PRH1: variants seen among roughly 807,000 people sequenced by gnomAD.
PRH1 encodes the protein proline rich protein HaeIII subfamily 1.
PRH1 carries 7 observed loss-of-function variants against 7.9 expected under a neutral mutation model. The ratio of observed to expected loss-of-function variants is 0.89; its 90% CI spans 0.50 to 1.67. PRH1 has a LOEUF of 1.67. Among genes scored for constraint, PRH1 ranks in the 40% most tolerant of loss-of-function variants. The pLI, the probability that PRH1 is intolerant of heterozygous loss-of-function variation, is 0.00. For missense variants in PRH1, 109 were observed against 223.6 expected, an observed-to-expected ratio of 0.49 and a Z score of 3.27; for synonymous variants, 45 against 80.8, an observed-to-expected ratio of 0.56 and a Z score of 2.38.
intron 1 of PRH1, among the ~76,000 whole-genome samples, chr12:11,065,643 A>C (rs1248817671): frequency 7.0e-6 from 1 of 142,722 alleles, no homozygotes; most frequent in Non-Finnish European, 1.6e-5. Flanking sequence ...ATGAACTTTT[A>C]TTCTCTTGCT....
At chr12:10,914,642 T>C (rs1197147889) in intron 2 of PRH1, among the ~76,000 whole-genome samples, 2 of 152,312 alleles carry the variant, frequency 1.3e-5, no homozygotes, top group South Asian at 4.1e-4. Flanking sequence ...TCTCCCCTCA[T>C]GGCCTTCTCC....
rs1565659676 is a variant in PRH1, at chr12:11,106,616, T to TTTATTTTTGATTAC, written n.124-59429_124-59428insGTAATCAAAAATAA. Among the ~76,000 whole-genome samples, 10 of 151,512 alleles carry TTTATTTTTGATTAC rather than the reference T, an allele frequency of 6.6e-5. No homozygotes were observed. In the South Asian group the frequency reaches 1.9e-3, roughly 29 times the overall value. ...GAATATTTGGTTTTATTTTTCTCTA[T>TTTATTTTTGATTAC]TTAATTTATTTTTGATTACTTAATG... On this transcript the variant is annotated intron_variant and non_coding_transcript_variant, in intron 1 of 4. Coordinates refer to the PRH1 transcript ENST00000541977.
intron 1 of PRH1, among the ~76,000 whole-genome samples, chr12:11,152,690 C>T (rs1453401232): frequency 6.6e-6 from 1 of 152,188 alleles, no homozygotes; most frequent in African/African-American, 2.4e-5. Flanking sequence ...TGTAACTTTG[C>T]TGTGCTCTCC....
chr12:10,927,691 C>T (rs1482895732), intron 2 of PRH1, among the ~76,000 whole-genome samples: 3 of 152,328 alleles, frequency 2.0e-5, no homozygotes, highest in African/African-American at 7.2e-5. Flanking sequence ...ACAGGATCCA[C>T]CCATGCACAT....
At chr12:11,117,160 G>A (rs1252029612), downstream of PRH1, among the ~76,000 whole-genome samples, 1 of 152,084 alleles carries the variant, frequency 6.6e-6, no homozygotes, top group African/African-American at 2.4e-5. Context: ...TCTTATATTT[G>A]TAAAACCTGA....
chr12:10,931,182 C>T, intron 2 of PRH1: 1 of 1,545,962 alleles, frequency 6.5e-7, no homozygotes. Flanking sequence ...ATTTCCGTGT[C>T]CTGGAACACA....
chr12:11,134,446 G>A, intron 1 of PRH1: 1 of 601,470 alleles, frequency 1.7e-6, no homozygotes, highest in South Asian at 2.9e-5. Flanking sequence ...CTCTCTTTAT[G>A]GAAAACATTC....
At chr12:11,002,687 C>A (rs1296011583) in intron 1 of PRH1, among the ~76,000 whole-genome samples, 1 of 152,066 alleles carries the variant, frequency 6.6e-6, no homozygotes, top group Admixed American at 6.6e-5. Flanking sequence ...TTTACTATAG[C>A]AGTCAAAGTA....
chr12:10,965,976 A>G (rs2135941154), intron 2 of PRH1, among the ~76,000 whole-genome samples: 1 of 152,302 alleles, frequency 6.6e-6, no homozygotes, highest in African/African-American at 2.4e-5. Flanking sequence ...TTTGTATGAC[A>G]TTAGTGTTAA....
chr12:11,049,969 T>C (rs568446339), upstream of PRH1, among the ~76,000 whole-genome samples: 272 of 151,628 alleles, frequency 1.8e-3, 1 homozygote, highest in South Asian at 2.5e-3. Flanking sequence ...AAATCCCCAA[T>C]TGGAAAACGA....
chr12:11,141,114 A>T lies in PRH1; in HGVS notation n.40-19934T>A, dbSNP rs1946689527. Among the ~76,000 whole-genome samples, 3 of 152,216 alleles carry T rather than the reference A, an allele frequency of 2.0e-5. No individual in the cohort carries two copies. In the South Asian group the frequency reaches 6.2e-4, roughly 32 times the overall value. Reference sequence around the variant, plus strand: ...AGGAATTATTGTCCTATAATTTCCAAAATGGAAAATTAATTTTAGGGAGAT... The same window carrying T: ...AGGAATTATTGTCCTATAATTTCCATAATGGAAAATTAATTTTAGGGAGAT... On this transcript the variant is annotated intron_variant and non_coding_transcript_variant, in intron 1 of 1. Coordinates refer to the PRH1 transcript ENST00000541175.
intron 2 of PRH1, among the ~76,000 whole-genome samples, chr12:10,949,774 C>T (rs567127858): frequency 5.9e-4 from 89 of 151,968 alleles, no homozygotes; most frequent in Middle Eastern, 3.4e-3. Flanking sequence ...TACATCTTGG[C>T]CAAAAAATAA....
At chr12:11,083,811 TA>T (rs1346281039) in intron 1 of PRH1, among the ~76,000 whole-genome samples, 1 of 152,052 alleles carries the variant, frequency 6.6e-6, no homozygotes, top group East Asian at 1.9e-4. Context: ...AAACTTTATA[TA>T]AGTGGAATTA....
chr12:11,025,262 G>T (rs922335016), intron 1 of PRH1, among the ~76,000 whole-genome samples: 1 of 151,988 alleles, frequency 6.6e-6, no homozygotes, highest in African/African-American at 2.4e-5. Context: ...AATGCTCCTT[G>T]CGTGTTCAAC....
chr12:11,002,639 A>G (rs1940648920), intron 1 of PRH1, among the ~76,000 whole-genome samples: 1 of 152,076 alleles, frequency 6.6e-6, no homozygotes, highest in African/African-American at 2.4e-5. Flanking sequence ...TCAACTGCTT[A>G]TTTACAATCT....
In PRH1 at chr12:11,010,963, C is replaced by A. The variant is rs554736376; in HGVS notation, c.-126+36057G>T. On this transcript the variant is annotated intron_variant, in intron 1 of 3. Transcript: ENST00000539853. Reference sequence around the variant, plus strand: ...ATTATACTACACATATTTCTTTAATCAATCATTATGTCAAATGAATTTGAG... The same window carrying A: ...ATTATACTACACATATTTCTTTAATAAATCATTATGTCAAATGAATTTGAG... Among the ~76,000 whole-genome samples the A allele has an allele frequency of 2.6e-4, 40 of 151,774 alleles. No homozygotes were observed. The East Asian group carries it at 4.3e-3, about 16-fold the overall frequency.
chr12:10,982,419 G>T (rs917225877), intron 1 of PRH1, among the ~76,000 whole-genome samples: 1 of 152,144 alleles, frequency 6.6e-6, no homozygotes, highest in African/African-American at 2.4e-5. Flanking sequence ...TTGCACATTC[G>T]CTCTAGGATG....
intron 1 of PRH1, among the ~76,000 whole-genome samples, chr12:11,099,868 C>G (rs1030902816): frequency 6.6e-6 from 1 of 152,024 alleles, no homozygotes; most frequent in African/African-American, 2.4e-5. Context: ...AATTGAGGAG[C>G]CGAAAGAAAA....
chr12:11,104,073 T>C (rs183544906), intron 1 of PRH1, among the ~76,000 whole-genome samples: 1 of 152,106 alleles, frequency 6.6e-6, no homozygotes, highest in African/African-American at 2.4e-5. Context: ...TTGAGTGCTT[T>C]TGATGTGGAC....
Sources: gnomAD v4.1 joint callset for allele counts (sites outside exome capture counted in the v4.1 genomes callset) on GRCh38, gnomAD v4.1.1 for gene constraint, MANE v1.5 for transcripts, NCBI Gene and HGNC (gene_info 2026-07-23, HGNC 2026-07-21) for gene names.